Variants in NUDT12 observed in about 807,000 individuals in gnomAD.
The protein encoded by NUDT12 is NAD-capped RNA hydrolase NUDT12.
In NUDT12, 42 loss-of-function variants were observed where a neutral mutation model predicts 45.7. The observed-to-expected ratio is 0.92, with a 90% CI of 0.72 to 1.19. The LOEUF is 1.19. Among genes scored for constraint, NUDT12 ranks in the 50% most tolerant of loss-of-function variants. The pLI is 0.00. For missense variants in NUDT12, 590 were observed against 533.1 expected, an observed-to-expected ratio of 1.11 and a Z score of -1.05; for synonymous variants, 206 against 179.7, an observed-to-expected ratio of 1.15 and a Z score of -1.17.
chr5:103,555,902 G>T, intron 4 of NUDT12, 29 bp downstream of exon 4: 1 of 1,431,988 alleles, frequency 7.0e-7, no homozygotes, highest in Non-Finnish European at 9.2e-7. Context: ...CAAGATCCAG[G>T]TGGCTGAGAT....
At chr5:103,553,252 G>T (rs1342735504) in intron 5 of NUDT12, among the ~76,000 whole-genome samples, 1 of 151,758 alleles carries the variant, frequency 6.6e-6, no homozygotes, top group East Asian at 1.9e-4. Flanking sequence ...ACTAACAAAA[G>T]ATTAGCATAT....
At chr5:103,553,149 A>G (rs1236424809) in intron 5 of NUDT12, among the ~76,000 whole-genome samples, 1 of 152,050 alleles carries the variant, frequency 6.6e-6, no homozygotes, top group African/African-American at 2.4e-5. Context: ...AGATTGATAA[A>G]TTTCCTACAT....
chr5:103,551,410 C>T (rs294046), intron 6 of NUDT12, among the ~76,000 whole-genome samples: 8,233 of 152,152 alleles, frequency 0.054, 796 homozygotes, highest in African/African-American at 0.19. Context: ...CACCACGCCC[C>T]GCCTCAACAT....
intron 3 of NUDT12, among the ~76,000 whole-genome samples, chr5:103,556,489 T>C (rs558062595): frequency 8.5e-5 from 13 of 152,108 alleles, no homozygotes; most frequent in African/African-American, 3.1e-4. Flanking sequence ...TTAAGTGAGA[T>C]TTGTACTCTA....
Position 103,560,091 on chromosome 5 carries a change from G to C in NUDT12, c.158C>G (p.Ala53Gly). Residue 53 changes from alanine (A) to glycine (G), a missense_variant, in exon 2 of 7, where the codon GCG (alanine) becomes GGG (glycine). By Grantham distance (60) the Ala-to-Gly change is moderately conservative (BLOSUM62 0). Coordinates refer to ENST00000230792, the MANE Select transcript of NUDT12 (RefSeq NM_031438.4). ...TATCTCTGGGTGCCCATTCCTTGCC[G>C]CATACATTAAAGCAGTCCAGCCATT... ...SENGWTALMY[A>G]ARNGHPEIVQ... 4 of 1,613,806 alleles carry C rather than the reference G, an allele frequency of 2.5e-6. No homozygotes were observed. Among genetic ancestry groups the C allele is most frequent in the Non-Finnish European group, 3.4e-6 (4 of 1,179,814 alleles).
At chr5:103,560,892 T>A (rs890084885) in intron 1 of NUDT12, among the ~76,000 whole-genome samples, 6 of 152,172 alleles carry the variant, frequency 3.9e-5, no homozygotes, top group African/African-American at 1.4e-4. Context: ...GTTCTGTTGG[T>A]CACTTTGTTG....
chr5:103,559,845 A>G (rs1748974755), intron 2 of NUDT12, 198 bp downstream of exon 2: 2 of 560,626 alleles, frequency 3.6e-6, no homozygotes, highest in Admixed American at 6.6e-5. Flanking sequence ...GCTTTGCTAT[A>G]AAGAAATAAT....
At chr5:103,551,520 G>A (rs577790419) in intron 6 of NUDT12, among the ~76,000 whole-genome samples, 5 of 152,164 alleles carry the variant, frequency 3.3e-5, no homozygotes, top group East Asian at 1.9e-4. Context: ...ATGACATCAC[G>A]AAAAAGCAAA....
chr5:103,556,745 A>G lies in NUDT12; in HGVS notation c.797-647T>C, dbSNP rs145793215. On this transcript the variant is annotated intron_variant, in intron 3 of 6. Coordinates refer to ENST00000230792, the MANE Select transcript of NUDT12 (RefSeq NM_031438.4). ...TACTCTGGTAGTTCAAAAAAAGTTA[A>G]TATGGCCTGGCCAGAAATATTACAG... Among the ~76,000 whole-genome samples the G allele has an allele frequency of 2.2e-3, 341 of 152,240 alleles. 1 individual carries two copies. Among genetic ancestry groups the G allele is most frequent in the African/African-American group, 7.7e-3 (321 of 41,572 alleles).
In NUDT12 at chr5:103,549,575, T is replaced by C. The variant is rs1412618238; in HGVS notation, c.*1286A>G. On this transcript the variant is annotated 3_prime_UTR_variant, in exon 7 of 7. Transcript: ENST00000230792. Reference sequence around the variant, plus strand: ...GTACAGACTGTTGTAATTAGTTATGTAACTTTCACTAATTAGGTAAATTCA... The same window carrying C: ...GTACAGACTGTTGTAATTAGTTATGCAACTTTCACTAATTAGGTAAATTCA... 6.6e-6 allele frequency: 1 copy of C among 151,982 alleles called. No homozygotes were observed. The highest frequency in any genetic ancestry group is 1.5e-5 in the Non-Finnish European group (1 of 67,918). 9.4% of individuals were successfully genotyped at this position (151,982 alleles called of 1,614,324 possible). A position where few individuals can be genotyped will look rare whatever the true frequency, so the allele number is the denominator to read the frequency against.
Position 103,550,796 on chromosome 5 carries a change from A to T in NUDT12, c.*65T>A. 6 of 1,134,858 alleles carry T rather than the reference A, an allele frequency of 5.3e-6. No individual in the cohort carries two copies. Among genetic ancestry groups the T allele is most frequent in the Non-Finnish European group, 8.0e-6 (6 of 754,338 alleles). The allele number at this position is 1,134,858 out of a possible 1,614,324, so 70.3% of individuals were successfully genotyped here. On this transcript the variant is annotated 3_prime_UTR_variant, in exon 7 of 7. Coordinates refer to ENST00000230792, the MANE Select transcript of NUDT12 (RefSeq NM_031438.4). ...TCTCAAGAGTACTGAATAATCTCTAATATCACTTGAGGAATGAGTGTTATT... is the reference window on the plus strand; with the variant it reads ...TCTCAAGAGTACTGAATAATCTCTATTATCACTTGAGGAATGAGTGTTATT...
chr5:103,559,721 G>C (rs2112457429), intron 2 of NUDT12: 4 of 461,778 alleles, frequency 8.7e-6, no homozygotes, highest in Non-Finnish European at 1.5e-5. Context: ...ACAGTATTAA[G>C]CTTTATGCAC....
At position 103,559,371 on chromosome 5, in the gene NUDT12, T is replaced by C. The variant is rs35125591; in HGVS notation, c.304A>G (p.Lys102Glu). 7.1e-5 allele frequency: 114 copies of C among 1,613,120 alleles called. No homozygotes were observed. In the African/African-American group the frequency reaches 1.2e-3, roughly 16 times the overall value. ...AGGAACCAAGGCTTCTTCCCACCTT[T>C]AGCAGTAGCTAGTAAATTAGCTATA... is the stretch of plus-strand genomic sequence containing the variant. ...KHIANLLATA[K>E]GGKKPWFLTN... The change falls in exon 3 of 7, where the codon AAA becomes GAA. Residue 102 changes from lysine (K) to glutamate (E), a missense_variant. Lys to Glu is a moderately conservative substitution (Grantham distance 56, BLOSUM62 1). Coordinates refer to ENST00000230792, the MANE Select transcript of NUDT12 (RefSeq NM_031438.4).
rs1330159816 is a variant in NUDT12, at chr5:103,559,096, C to CTGAG, written c.578_579insCTCA (p.Lys193AsnfsTer13). On this transcript the variant is annotated frameshift_variant, in exon 3 of 7. Coordinates refer to ENST00000230792, the MANE Select transcript of NUDT12 (RefSeq NM_031438.4). LOFTEE classifies it high-confidence loss of function. The stretch of plus-strand genomic sequence containing the variant: ...CTACTCCAAGAAAAATCAAGGTGAT[C>CTGAG]TTCTCAGGCTGGGCCAAATAATCCT... 1 of 1,611,938 alleles carries CTGAG rather than the reference C, an allele frequency of 6.2e-7. No homozygotes were observed. Among genetic ancestry groups the CTGAG allele is most frequent in the Non-Finnish European group, 8.5e-7 (1 of 1,179,044 alleles).
chr5:103,556,077 GA>G lies in NUDT12; in HGVS notation c.817del (p.Ser273LeufsTer31). ...KEAGVVAQAR[S>X]VLAWHSRYKF... ...GTATCGACTGTGCCAGGCAAGAACA[GA>G]TCTTGCTTGAGCTACAACCCCTTCA... On this transcript the variant is annotated frameshift_variant, in exon 4 of 7. Transcript: ENST00000230792. LOFTEE classifies it high-confidence loss of function. 6.2e-7 allele frequency: 1 copy of G among 1,605,740 alleles called. No homozygotes were observed. The highest frequency in any genetic ancestry group is 8.5e-7 in the Non-Finnish European group (1 of 1,176,378).
chr5:103,555,062 A>C (rs1235177166), intron 4 of NUDT12, among the ~76,000 whole-genome samples: 3 of 152,024 alleles, frequency 2.0e-5, no homozygotes, highest in Non-Finnish European at 4.4e-5. Flanking sequence ...CAGTAAGCTA[A>C]AGGAAGACCA....
rs1748591663 is a variant in NUDT12 at position 103,549,685 on chromosome 5, A to G, written c.*1176T>C. On this transcript the variant is annotated 3_prime_UTR_variant, in exon 7 of 7. Coordinates refer to ENST00000230792, the MANE Select transcript of NUDT12 (RefSeq NM_031438.4). ...CCTTAAGGTCTCTTGTAGCTCTAGCATACATTAGTAAAGATGCAAATTATA... is the reference window on the plus strand; with the variant it reads ...CCTTAAGGTCTCTTGTAGCTCTAGCGTACATTAGTAAAGATGCAAATTATA... The G allele has an allele frequency of 6.6e-6, 1 of 152,198 alleles. No homozygotes were observed. The highest frequency in any genetic ancestry group is 1.9e-4 in the East Asian group (1 of 5,182). The allele number at this position is 152,198 out of a possible 1,614,324, so 9.4% of individuals were successfully genotyped here.
In NUDT12 at chr5:103,554,745, TC is replaced by T. The variant is rs1748758818; in HGVS notation, c.1072del (p.Glu358SerfsTer6). 7.2e-7 allele frequency: 1 copy of T among 1,385,272 alleles called. No homozygotes were observed. The highest frequency in any genetic ancestry group is 1.5e-5 in the African/African-American group (1 of 67,568). The allele number at this position is 1,385,272 out of a possible 1,614,324, so 85.8% of individuals were successfully genotyped here. On this transcript the variant is annotated frameshift_variant, in exon 5 of 7. Transcript: ENST00000230792. LOFTEE classifies it high-confidence loss of function. ...GMFTCLAGFI[E>X]PGETIEDAVR... Reference sequence around the variant, plus strand: ...ATTATTAAGAAATGGCTTACCAGGCTCAATAAATCCAGCAAGGCAAGTAAAC... The same window carrying T: ...ATTATTAAGAAATGGCTTACCAGGCTAATAAATCCAGCAAGGCAAGTAAAC...
rs58006145 is a variant in NUDT12, at chr5:103,550,811, T to C, written c.*50A>G. On this transcript the variant is annotated 3_prime_UTR_variant, in exon 7 of 7. Coordinates refer to ENST00000230792, the MANE Select transcript of NUDT12 (RefSeq NM_031438.4). ...ATAATCTCTAATATCACTTGAGGAA[T>C]GAGTGTTATTAGAAATTATTAAATA... The C allele has an allele frequency of 0.27, 332,081 of 1,237,126 alleles. 45,143 individuals carry two copies. The highest frequency in any genetic ancestry group is 0.36 in the Middle Eastern group (1,902 of 5,340). The allele number at this position is 1,237,126 out of a possible 1,614,324, so 76.6% of individuals were successfully genotyped here.
Sources: allele counts gnomAD v4.1 joint callset (sites outside exome capture counted in the v4.1 genomes callset), GRCh38; gene constraint gnomAD v4.1.1; transcripts MANE v1.5; gene names NCBI Gene and HGNC (gene_info 2026-07-23, HGNC 2026-07-21).